Variants in KAT2A observed in about 807,000 individuals in gnomAD.
KAT2A encodes the protein lysine acetyltransferase 2A.
Under a neutral mutation model 95.2 loss-of-function variants are expected in KAT2A, and 42 were observed. The observed-to-expected ratio is 0.44, with a 90% CI of 0.34 to 0.57. The LOEUF is 0.57. Ranked by LOEUF, KAT2A falls within the 20% of genes least tolerant of loss-of-function variation. The pLI, the probability that KAT2A is intolerant of heterozygous loss-of-function variation, is 0.01. For missense variants in KAT2A, 784 were observed against 1,126.3 expected (o/e 0.70, Z 4.35); for synonymous variants, 449 against 448.2 (o/e 1.00, Z -0.02).
chr17:42,119,552 T>C lies in KAT2A; in HGVS notation c.866A>G (p.Lys289Arg), dbSNP rs1555666856. Reference sequence around the variant, plus strand: ...CTGGGCCTACCTGGTGTAATTGACCTTGTAGGTAGCCACGTCCTCAGCCTG... The same window carrying C: ...CTGGGCCTACCTGGTGTAATTGACCCTGTAGGTAGCCACGTCCTCAGCCTG... ...RSQAEDVATY[K>R]VNYTRWLCYC... The change falls in exon 5 of 18, where the codon AAG becomes AGG. Residue 289 changes from lysine to arginine, a missense_variant. Transcript: ENST00000225916. The surrounding 1 kb of genome is among the most constrained non-coding windows in gnomAD (Gnocchi z 5.3). 6.3e-7 allele frequency: 1 copy of C among 1,599,084 alleles called. No homozygotes were observed. The highest frequency in any genetic ancestry group is 1.1e-5 in the South Asian group (1 of 89,072).
In KAT2A at chr17:42,119,298, C is replaced by T; in HGVS notation, c.1020G>A (p.Glu340=). 6.2e-7 allele frequency: 1 copy of T among 1,614,062 alleles called. No homozygotes were observed. The highest frequency in any genetic ancestry group is 8.5e-7 in the Non-Finnish European group (1 of 1,179,920). The stretch of plus-strand genomic sequence containing the variant: ...TCTTCTCGGGCACCAATTTGTCCTT[C>T]TCCACTCGGAACTTTTCCAGCAGCT... ...RRQLLEKFRV[E]KDKLVPEKRT... Residue 340 remains glutamate, a synonymous_variant, in exon 6 of 18, where the codon GAG becomes GAA. Coordinates refer to ENST00000225916, the MANE Select transcript of KAT2A (RefSeq NM_021078.3). The surrounding 1 kb of genome is among the most constrained non-coding windows in gnomAD (Gnocchi z 5.3).
In KAT2A at chr17:42,113,827, G is replaced by T; in HGVS notation, c.2336C>A (p.Thr779Asn). 6.3e-7 allele frequency: 1 copy of T among 1,594,874 alleles called. No homozygotes were observed. Among genetic ancestry groups the T allele is most frequent in the Non-Finnish European group, 8.5e-7 (1 of 1,172,324 alleles). ...IRFPIDLKTMTERLRSRYYVT... is the reference protein window; with the variant it reads ...IRFPIDLKTMNERLRSRYYVT... Reference sequence around the variant, plus strand: ...GTAGTAGCGGCTTCGCAGCCGCTCAGTCATGGTCTTCAGGTCTGGGGCAGC... The same window carrying T: ...GTAGTAGCGGCTTCGCAGCCGCTCATTCATGGTCTTCAGGTCTGGGGCAGC... The change falls in exon 18 of 18, where the codon ACT becomes AAT. Residue 779 changes from threonine (T) to asparagine (N), a missense_variant. Coordinates refer to ENST00000225916, the MANE Select transcript of KAT2A (RefSeq NM_021078.3).
Position 42,114,216 on chromosome 17 carries a change from C to A in KAT2A, c.2235+3G>T, listed in dbSNP as rs756806902. 2.5e-6 allele frequency: 4 copies of A among 1,594,926 alleles called. No homozygotes were observed. The highest frequency in any genetic ancestry group is 3.4e-6 in the Non-Finnish European group (4 of 1,169,540). On this transcript the variant is annotated splice_donor_region_variant and intron_variant, in intron 16 of 17. Transcript: ENST00000225916. This position sits in a 1 kb window ranked among gnomAD's most constrained non-coding sequence, Gnocchi z 6.0. ...CCCTGGAAAGGAAACCTGGTCTCCC[C>A]ACCTTGATTTGGGCCAGCAGGTTTT...
Position 42,120,833 on chromosome 17 carries a change from G to A in KAT2A, c.340-4C>T, listed in dbSNP as rs782224382. ...TACACTTACAGGTTTCATTGGCCTG[G>A]AGGTGGAAGGATCAGTCAATGACCT... On this transcript the variant is annotated splice_polypyrimidine_tract_variant and splice_region_variant and intron_variant, in intron 1 of 17. Transcript: ENST00000225916. 101 of 1,607,780 alleles carry A rather than the reference G, an allele frequency of 6.3e-5. No homozygotes were observed. In the South Asian group the frequency reaches 9.9e-4, roughly 16 times the overall value.
Position 42,115,069 on chromosome 17 carries a change from A to G in KAT2A, c.1876-34T>C, listed in dbSNP as rs151266449. The G allele has an allele frequency of 2.2e-5, 35 of 1,607,416 alleles. No homozygotes were observed. In the African/African-American group the frequency reaches 2.3e-4, roughly 10 times the overall value. On this transcript the variant is annotated intron_variant, in intron 12 of 17. Transcript: ENST00000225916. The stretch of plus-strand genomic sequence containing the variant: ...TGGATGGTCATGACCCAGTCCATCC[A>G]TAAGTATTTCCCAACTTCTGTCGTC...
In KAT2A at chr17:42,120,959, C is replaced by T; in HGVS notation, c.339+7G>A. The T allele has an allele frequency of 1.3e-6, 2 of 1,570,600 alleles. No individual in the cohort carries two copies. Among genetic ancestry groups the T allele is most frequent in the Non-Finnish European group, 1.7e-6 (2 of 1,158,784 alleles). ...CCCCGCCCCTTCACCCCAGGCCCCG[C>T]CCCCACCTTGCAAGCCGAGAAGACC... On this transcript the variant is annotated splice_region_variant and intron_variant, in intron 1 of 17. Transcript: ENST00000225916.
rs1252305179 is a variant in KAT2A, at chr17:42,117,053, G to T, written c.1746C>A (p.Thr582=). Residue 582 remains threonine (T), a synonymous_variant, in exon 11 of 18, where the codon ACC becomes ACA. Transcript: ENST00000225916. This position sits in a 1 kb window ranked among gnomAD's most constrained non-coding sequence, Gnocchi z 8.9. ...CGCTCACCTTGACCTGCTCATTCGAGGTGACAGCACAGAAGACAATCTCCG... is the reference window on the plus strand; with the variant it reads ...CGCTCACCTTGACCTGCTCATTCGATGTGACAGCACAGAAGACAATCTCCG... ...GFTEIVFCAV[T]SNEQVKGYGT... 1.2e-6 allele frequency: 2 copies of T among 1,614,028 alleles called. No homozygotes were observed. The highest frequency in any genetic ancestry group is 2.7e-5 in the African/African-American group (2 of 74,954).
Position 42,113,304 on chromosome 17 carries a change from G to A in KAT2A, c.*345C>T, listed in dbSNP as rs1438167825. 2 of 228,438 alleles carry A rather than the reference G, an allele frequency of 8.8e-6. No individual in the cohort carries two copies. The highest frequency in any genetic ancestry group is 1.7e-5 in the Non-Finnish European group (2 of 116,608). 14.2% of individuals were successfully genotyped at this position (228,438 alleles called of 1,614,324 possible). Reference sequence around the variant, plus strand: ...AAAATGAGCAGTTCTGGTCCTCAGGGAAACAGCCACCTGGGCCAGGCCCAG... The same window carrying A: ...AAAATGAGCAGTTCTGGTCCTCAGGAAAACAGCCACCTGGGCCAGGCCCAG... On this transcript the variant is annotated 3_prime_UTR_variant, in exon 18 of 18. Coordinates refer to ENST00000225916, the MANE Select transcript of KAT2A (RefSeq NM_021078.3).
chr17:42,114,685 G>T lies in KAT2A; in HGVS notation c.2020-81C>A. 6 of 1,331,916 alleles carry T rather than the reference G, an allele frequency of 4.5e-6. No homozygotes were observed. The South Asian group carries it at 6.0e-5, about 13-fold the overall frequency. The allele number at this position is 1,331,916 out of a possible 1,614,324, so 82.5% of individuals were successfully genotyped here. A position where few individuals can be genotyped will look rare whatever the true frequency, so the allele number is the denominator to read the frequency against. The stretch of plus-strand genomic sequence containing the variant: ...AGGGCCACAGTCGGAGCCACTGGCT[G>T]CACCCACCCAGCTGCAACGCCACCT... On this transcript the variant is annotated intron_variant, in intron 13 of 17. Transcript: ENST00000225916. The surrounding 1 kb of genome is among the most constrained non-coding windows in gnomAD (Gnocchi z 6.0).
In KAT2A at chr17:42,118,029, G is replaced by A. The variant is rs1418476820; in HGVS notation, c.1181-12C>T. ...TGCACTGACTGAAGCTGAGGAGAGA[G>A]AGAGACGTCAGGGATGGGGGGCTGA... On this transcript the variant is annotated splice_polypyrimidine_tract_variant and intron_variant, in intron 7 of 17. Coordinates refer to ENST00000225916, the MANE Select transcript of KAT2A (RefSeq NM_021078.3). The A allele has an allele frequency of 7.0e-7, 1 of 1,429,302 alleles. No individual in the cohort carries two copies. The highest frequency in any genetic ancestry group is 9.5e-7 in the Non-Finnish European group (1 of 1,055,674). The allele number at this position is 1,429,302 out of a possible 1,614,324, so 88.5% of individuals were successfully genotyped here. A position where few individuals can be genotyped will look rare whatever the true frequency, so the allele number is the denominator to read the frequency against.
intron 11 of KAT2A, among the ~76,000 whole-genome samples, 178 bp downstream of exon 11, chr17:42,116,853 AGGTG>A (rs2054265056): frequency 6.6e-6 from 1 of 152,264 alleles, no homozygotes. Flanking sequence ...GTCTGTCAAC[AGGTG>A]GTTTCCTAAT....
Position 42,114,351 on chromosome 17 carries a change from C to T in KAT2A, c.2171+7G>A, listed in dbSNP as rs2054221571. On this transcript the variant is annotated splice_region_variant and intron_variant, in intron 15 of 17. Transcript: ENST00000225916. This position sits in a 1 kb window ranked among gnomAD's most constrained non-coding sequence, Gnocchi z 6.0. ...CCCACCCCCAACCCGGCTCCTTTGA[C>T]ACTCACCCCTTCTCCTTCCCCAATG... is the stretch of plus-strand genomic sequence containing the variant. 2 of 1,613,874 alleles carry T rather than the reference C, an allele frequency of 1.2e-6. No individual in the cohort carries two copies. The highest frequency in any genetic ancestry group is 1.7e-5 in the Admixed American group (1 of 59,992).
chr17:42,118,212 C>T (rs1444339350), intron 7 of KAT2A, 85 bp downstream of exon 7: 12 of 1,104,466 alleles, frequency 1.1e-5, no homozygotes, highest in African/African-American at 1.5e-5. Context: ...CCAGGGCCTC[C>T]GGCCCAGGTG....
intron 11 of KAT2A, among the ~76,000 whole-genome samples, 199 bp from the exon 12 acceptor site, chr17:42,116,032 C>T (rs2054253872): frequency 6.6e-6 from 1 of 152,204 alleles, no homozygotes; most frequent in Non-Finnish European, 1.5e-5. Flanking sequence ...TTTCTAAGCT[C>T]ACTCTGGGCT....
In KAT2A at chr17:42,114,161, ATC is replaced by A. The variant is rs1555665432; in HGVS notation, c.2235+56_2235+57del. On this transcript the variant is annotated intron_variant, in intron 16 of 17. Transcript: ENST00000225916. The surrounding 1 kb of genome is among the most constrained non-coding windows in gnomAD (Gnocchi z 6.0). ...GAGACCACTACCCACCCCACACTGC[ATC>A]AAGAGGCCACAGCCATTGGTGCAGG... The A allele has an allele frequency of 6.3e-7, 1 of 1,577,814 alleles. No homozygotes were observed. The highest frequency in any genetic ancestry group is 8.6e-7 in the Non-Finnish European group (1 of 1,163,538).
In KAT2A at chr17:42,120,308, C is replaced by A; in HGVS notation, c.526G>T (p.Val176Leu). Residue 176 changes from valine to leucine, a missense_variant, in exon 3 of 18, where the codon GTG becomes TTG. Val to Leu is a conservative substitution (Grantham distance 32, BLOSUM62 1). Transcript: ENST00000225916. ...ATGAAGAGATTCTCCACATCCACCA[C>A]CATCCCCAGCAGTCGGTTTATCTCA... ...EDEINRLLGMVVDVENLFMSV... is the reference protein window; with the variant it reads ...EDEINRLLGMLVDVENLFMSV... 6.2e-7 allele frequency: 1 copy of A among 1,614,210 alleles called. No individual in the cohort carries two copies. The highest frequency in any genetic ancestry group is 8.5e-7 in the Non-Finnish European group (1 of 1,180,018).
chr17:42,117,983 G>A lies in KAT2A; in HGVS notation c.1215C>T (p.Pro405=). The A allele has an allele frequency of 2.5e-6, 4 of 1,607,226 alleles. No individual in the cohort carries two copies. Among genetic ancestry groups the A allele is most frequent in the Non-Finnish European group, 3.4e-6 (4 of 1,175,518 alleles). Residue 405 remains proline, a synonymous_variant, in exon 8 of 18, where the codon CCC becomes CCT. Coordinates refer to ENST00000225916, the MANE Select transcript of KAT2A (RefSeq NM_021078.3). This position sits in a 1 kb window ranked among gnomAD's most constrained non-coding sequence, Gnocchi z 8.9. ...SVSAAVVPST[P]IFSPSMGGGS... The stretch of plus-strand genomic sequence containing the variant: ...CCCCACCCATGCTGGGGCTGAAGAT[G>A]GGGGTGCTGGGAACAACCGCTGCAC...
In KAT2A at chr17:42,121,295, G is replaced by C. The variant is rs2054336720; in HGVS notation, c.10C>G (p.Pro4Ala). 3.6e-6 allele frequency: 5 copies of C among 1,374,304 alleles called. No homozygotes were observed. Among genetic ancestry groups the C allele is most frequent in the Non-Finnish European group, 4.7e-6 (5 of 1,071,554 alleles). 85.1% of individuals were successfully genotyped at this position (1,374,304 alleles called of 1,614,324 possible). The change falls in exon 1 of 18, where the codon CCT (proline) becomes GCT (alanine). Residue 4 changes from proline (P) to alanine (A), a missense_variant. Transcript: ENST00000225916. MAE[P>A]SQAPTPAPAA... Reference sequence around the variant, plus strand: ...GGGGCCGGGGTCGGGGCCTGGGAAGGTTCCGCCATGGCCTCCCCCGCAGCG... The same window carrying C: ...GGGGCCGGGGTCGGGGCCTGGGAAGCTTCCGCCATGGCCTCCCCCGCAGCG...
chr17:42,117,447 G>T lies in KAT2A; in HGVS notation c.1578C>A (p.Val526=), dbSNP rs2144036133. ...GCATGCGCGGCAGCTGGTGGGAAAAGACATTCTGCAGCCCCACGAGCCACA... is the reference window on the plus strand; with the variant it reads ...GCATGCGCGGCAGCTGGTGGGAAAATACATTCTGCAGCCCCACGAGCCACA... ...VLLWLVGLQN[V]FSHQLPRMPK... Residue 526 remains valine, a synonymous_variant, in exon 10 of 18, where the codon GTC becomes GTA. Transcript: ENST00000225916. This position sits in a 1 kb window ranked among gnomAD's most constrained non-coding sequence, Gnocchi z 8.9. 1.9e-6 allele frequency: 3 copies of T among 1,613,368 alleles called. No homozygotes were observed. The highest frequency in any genetic ancestry group is 1.7e-4 in the Middle Eastern group (1 of 6,012).
Sources: gnomAD v4.1 joint callset for allele counts (sites outside exome capture counted in the v4.1 genomes callset) on GRCh38, gnomAD v4.1.1 for gene constraint, Gnocchi (gnomAD v3.1) non-coding constraint, MANE v1.5 for transcripts, NCBI Gene and HGNC (gene_info 2026-07-23, HGNC 2026-07-21) for gene names.